Variants in PTPRC observed in about 807,000 individuals in gnomAD.
PTPRC encodes protein tyrosine phosphatase receptor type C.
PTPRC carries 44 observed loss-of-function variants against 155.9 expected under a neutral mutation model. The ratio of observed to expected loss-of-function variants is 0.28; its 90% CI spans 0.22 to 0.36. The LOEUF (loss-of-function observed/expected upper bound fraction) is 0.36, where lower values mean the gene tolerates loss of function less well. Ranked by LOEUF, PTPRC falls within the 10% of genes least tolerant of loss-of-function variation. The pLI is 1.00. For synonymous variants in PTPRC, 525 were observed against 533.1 expected (o/e 0.98, Z 0.21); for missense variants, 1,401 against 1,564.6 (o/e 0.90, Z 1.76).
chr1:198,664,490 T>G (rs904035173), intron 2 of PTPRC, among the ~76,000 whole-genome samples: 9 of 152,214 alleles, frequency 5.9e-5, no homozygotes, highest in African/African-American at 2.2e-4. Flanking sequence ...CACTCCTTCC[T>G]ACTTCCCTGT....
intron 2 of PTPRC, chr1:198,667,006 T>G (rs1334171976): frequency 6.6e-6 from 1 of 152,240 alleles, no homozygotes; most frequent in Non-Finnish European, 1.5e-5. Flanking sequence ...TACGATATTT[T>G]GATGTTTCTT....
chr1:198,645,876 T>G (rs1536316), intron 2 of PTPRC, among the ~76,000 whole-genome samples: 12,541 of 151,796 alleles, frequency 0.083, 678 homozygotes, highest in African/African-American at 0.13. Context: ...GATTTCTTAG[T>G]GTAAAAATAT....
chr1:198,731,043 T>C (rs929919908), intron 17 of PTPRC, among the ~76,000 whole-genome samples: 4 of 152,152 alleles, frequency 2.6e-5, no homozygotes, highest in African/African-American at 9.6e-5. Flanking sequence ...ATGGTTAGTA[T>C]ACTTTTTAAT....
chr1:198,708,325 T>C, intron 10 of PTPRC, 64 bp downstream of exon 10: 1 of 1,486,116 alleles, frequency 6.7e-7, no homozygotes, highest in Non-Finnish European at 9.3e-7. Context: ...AGATATTATT[T>C]AATCTTACTC....
chr1:198,647,506 T>C (rs1248882190), intron 2 of PTPRC, among the ~76,000 whole-genome samples: 2 of 151,930 alleles, frequency 1.3e-5, no homozygotes, highest in Non-Finnish European at 2.9e-5. Flanking sequence ...ATAGAAAATT[T>C]GGAAAATGTC....
At chr1:198,668,789 G>A (rs1024832507) in intron 2 of PTPRC, among the ~76,000 whole-genome samples, 7 of 152,132 alleles carry the variant, frequency 4.6e-5, no homozygotes, top group Non-Finnish European at 1.0e-4. Flanking sequence ...TCAGAGTTGG[G>A]GAATCCATTT....
chr1:198,732,219 T>C, intron 18 of PTPRC, 81 bp from the exon 19 acceptor site: 2 of 1,085,690 alleles, frequency 1.8e-6, no homozygotes, highest in Non-Finnish European at 2.8e-6. Context: ...GGATATCTCA[T>C]TTACTCAAAA....
intron 15 of PTPRC, among the ~76,000 whole-genome samples, chr1:198,724,942 C>T (rs558339010): frequency 4.9e-4 from 74 of 152,162 alleles, no homozygotes; most frequent in Non-Finnish European, 9.6e-4. Flanking sequence ...GCTGGGATTA[C>T]AGGCAGGCAC....
chr1:198,687,156 A>G (rs560864850), intron 2 of PTPRC, among the ~76,000 whole-genome samples: 2 of 152,120 alleles, frequency 1.3e-5, no homozygotes, highest in Non-Finnish European at 2.9e-5. Context: ...CCCTACCCGG[A>G]TAATTTTTGT....
intron 2 of PTPRC, among the ~76,000 whole-genome samples, chr1:198,666,125 T>G (rs1361831296): frequency 2.6e-5 from 4 of 151,244 alleles, no homozygotes; most frequent in African/African-American, 9.7e-5. Context: ...CCCAGCTACT[T>G]GAGAGGCTGA....
chr1:198,684,781 C>A (rs1665528434), intron 2 of PTPRC, among the ~76,000 whole-genome samples: 1 of 151,928 alleles, frequency 6.6e-6, no homozygotes, highest in Admixed American at 6.6e-5. Context: ...TTTCTCATTT[C>A]TGAAAATATG....
chr1:198,705,237 T>C (rs905929520), intron 8 of PTPRC, among the ~76,000 whole-genome samples: 4 of 152,078 alleles, frequency 2.6e-5, no homozygotes, highest in African/African-American at 7.2e-5. Context: ...CTGCCTTCAG[T>C]AGCTTTCCAT....
At chr1:198,746,988 A>G (rs1446469669) in intron 26 of PTPRC, among the ~76,000 whole-genome samples, 2 of 151,852 alleles carry the variant, frequency 1.3e-5, no homozygotes, top group Non-Finnish European at 2.9e-5. Context: ...GAAAAAATAT[A>G]TGTCTATATA....
chr1:198,704,437 A>C (rs1302621585), intron 7 of PTPRC, 35 bp from the exon 8 acceptor site: 1 of 1,613,484 alleles, frequency 6.2e-7, no homozygotes, highest in Non-Finnish European at 8.5e-7. Flanking sequence ...CTAAAGCAAA[A>C]TTTTAATAAT....
intron 26 of PTPRC, 23 bp downstream of exon 26, chr1:198,744,226 T>C: frequency 6.3e-7 from 1 of 1,582,200 alleles, no homozygotes; most frequent in East Asian, 2.3e-5. Context: ...ACAACAATAA[T>C]AATAATTACA....
intron 7 of PTPRC, chr1:198,703,611 C>T: frequency 1.6e-6 from 1 of 643,298 alleles, no homozygotes; most frequent in Non-Finnish European, 2.6e-6. Context: ...TGAGAAACAA[C>T]CACATCTACT....
In PTPRC at chr1:198,735,136, G is replaced by A. The variant is rs1654570785; in HGVS notation, c.2287G>A (p.Ala763Thr). 6.2e-7 allele frequency: 1 copy of A among 1,600,860 alleles called. No homozygotes were observed. Among genetic ancestry groups the A allele is most frequent in the Non-Finnish European group, 8.5e-7 (1 of 1,172,436 alleles). Reference protein sequence around the residue: ...RCEEGNRNKCAEYWPSMEEGT... With the variant: ...RCEEGNRNKCTEYWPSMEEGT... ...ATTTTTTAAAATGTAGAACAAGTGT[G>A]CAGAATACTGGCCGTCAATGGAAGA... The change falls in exon 23 of 33, where the codon GCA (alanine) becomes ACA (threonine). Residue 763 changes from alanine to threonine, a missense_variant. Around this residue, in one of 3 missense-constraint regions of PTPRC, gnomAD observed 867 missense variants for 970.4 expected, o/e 0.89. Transcript: ENST00000442510.
At chr1:198,755,838 C>A (rs760327181) in intron 32 of PTPRC, 68 bp from the exon 33 acceptor site, 21 of 1,477,166 alleles carry the variant, frequency 1.4e-5, no homozygotes, top group Non-Finnish European at 2.0e-5. Context: ...TCTTGCTAAT[C>A]TTCATCTGGC....
chr1:198,711,102 G>T (rs1653277161), intron 11 of PTPRC, among the ~76,000 whole-genome samples: 1 of 152,130 alleles, frequency 6.6e-6, no homozygotes, highest in Non-Finnish European at 1.5e-5. Context: ...GGAATTACAG[G>T]CATGAGCCAC....
Sources: allele counts gnomAD v4.1 joint callset (sites outside exome capture counted in the v4.1 genomes callset), GRCh38; gene constraint gnomAD v4.1.1; regional missense constraint gnomAD v4.1.1; transcripts MANE v1.5; gene names NCBI Gene and HGNC (gene_info 2026-07-23, HGNC 2026-07-21).